Variants in CRADD observed in about 807,000 individuals in gnomAD.
CRADD encodes death domain-containing protein CRADD.
A neutral mutation model predicts 15.5 loss-of-function variants in CRADD; 9 were observed. The ratio of observed to expected loss-of-function variants is 0.58; its 90% CI spans 0.35 to 1.01. The LOEUF (loss-of-function observed/expected upper bound fraction) is 1.01, where lower values mean the gene tolerates loss of function less well. Ranked by LOEUF, CRADD falls within the 50% of genes least tolerant of loss-of-function variation. CRADD has a pLI of 0.02. For synonymous variants in CRADD, 118 were observed against 107.6 expected, an observed-to-expected ratio of 1.10 and a Z score of -0.60; for missense variants, 227 against 250.3, an observed-to-expected ratio of 0.91 and a Z score of 0.63.
chr12:93,794,256 C>T (rs1439220299), intron 2 of CRADD, among the ~76,000 whole-genome samples: 1 of 152,082 alleles, frequency 6.6e-6, no homozygotes, highest in Non-Finnish European at 1.5e-5. Flanking sequence ...TCATTGGGTC[C>T]CATTGCTTTA....
chr12:93,869,201 G>T (rs1046728509), intron 2 of CRADD, among the ~76,000 whole-genome samples: 1 of 152,088 alleles, frequency 6.6e-6, no homozygotes, highest in Non-Finnish European at 1.5e-5. Flanking sequence ...CTAGGAGTAA[G>T]AGCAAAAATA....
chr12:93,772,756 A>C (rs2171124), intron 2 of CRADD, among the ~76,000 whole-genome samples: 76,773 of 151,996 alleles, frequency 0.51, 19,929 homozygotes, highest in East Asian at 0.81. Flanking sequence ...AGTCAGATCC[A>C]GGGTTGGACT....
intron 2 of CRADD, among the ~76,000 whole-genome samples, chr12:93,818,351 C>T (rs1957731791): frequency 6.6e-6 from 1 of 152,208 alleles, no homozygotes; most frequent in Non-Finnish European, 1.5e-5. Context: ...GCAGCCTCTC[C>T]TTCACACCTC....
In CRADD at chr12:93,804,353, G is replaced by A. The variant is rs192566832; in HGVS notation, c.299-45617G>A. 3.4e-3 allele frequency among the ~76,000 whole-genome samples: 525 copies of A among 152,252 alleles called. 4 individuals are homozygous for A. Among genetic ancestry groups the A allele is most frequent in the Non-Finnish European group, 3.6e-3 (247 of 68,038 alleles). On this transcript the variant is annotated intron_variant, in intron 2 of 2. Coordinates refer to ENST00000332896, the MANE Select transcript of CRADD (RefSeq NM_003805.5). Reference sequence around the variant, plus strand: ...AAGGGAAAATGCACACATTTAGTCAGTCACATGTATGATTTCAAATATCTG... The same window carrying A: ...AAGGGAAAATGCACACATTTAGTCAATCACATGTATGATTTCAAATATCTG...
intron 2 of CRADD, among the ~76,000 whole-genome samples, chr12:93,720,591 C>T (rs1292406650): frequency 6.6e-6 from 1 of 152,176 alleles, no homozygotes; most frequent in African/African-American, 2.4e-5. Flanking sequence ...TTTTAATGCT[C>T]TGTTGTTAGG....
chr12:93,756,498 G>A (rs1280615454), intron 2 of CRADD, among the ~76,000 whole-genome samples: 5 of 152,234 alleles, frequency 3.3e-5, no homozygotes, highest in African/African-American at 9.6e-5. Flanking sequence ...CAAAGAGAGA[G>A]GAGATAAGAC....
intron 2 of CRADD, among the ~76,000 whole-genome samples, chr12:93,880,361 C>T (rs1381802170): frequency 6.6e-6 from 1 of 152,046 alleles, no homozygotes. Context: ...GTCATTTCCA[C>T]CCCCAAAGGA....
intron 2 of CRADD, among the ~76,000 whole-genome samples, chr12:93,770,237 A>G (rs925406926): frequency 6.6e-6 from 1 of 151,182 alleles, no homozygotes; most frequent in Admixed American, 6.6e-5. Context: ...CTGGGACTAC[A>G]GGCGCCCGCC....
At chr12:93,760,955 G>A (rs1956948522) in intron 2 of CRADD, among the ~76,000 whole-genome samples, 1 of 151,976 alleles carries the variant, frequency 6.6e-6, no homozygotes, top group Non-Finnish European at 1.5e-5. Context: ...AAGCAGAGGG[G>A]CCTGTAAAGC....
chr12:93,750,214 T>A (rs1956813892), intron 2 of CRADD, among the ~76,000 whole-genome samples: 2 of 111,480 alleles, frequency 1.8e-5, no homozygotes, highest in Non-Finnish European at 3.6e-5. Context: ...GGCTTTTTAG[T>A]AGGCGAGTTC....
chr12:93,892,815 C>T (rs947003980), intron 2 of CRADD, among the ~76,000 whole-genome samples: 2 of 152,204 alleles, frequency 1.3e-5, no homozygotes, highest in Admixed American at 1.3e-4. Context: ...GCCCTGTTGG[C>T]CACTAGGGAA....
At chr12:93,825,177 G>C (rs1437788194) in intron 2 of CRADD, among the ~76,000 whole-genome samples, 1 of 152,110 alleles carries the variant, frequency 6.6e-6, no homozygotes, top group Non-Finnish European at 1.5e-5. Flanking sequence ...CATAGTCTGG[G>C]AATTATACTT....
At chr12:93,855,511 A>G (rs1404058354), downstream of CRADD, among the ~76,000 whole-genome samples, 1 of 152,240 alleles carries the variant, frequency 6.6e-6, no homozygotes, top group Non-Finnish European at 1.5e-5. Context: ...ACACAATGCA[A>G]TCAGGCCTGC....
intron 2 of CRADD, among the ~76,000 whole-genome samples, chr12:93,830,164 T>C (rs1957877221): frequency 6.6e-6 from 1 of 152,182 alleles, no homozygotes; most frequent in Non-Finnish European, 1.5e-5. Context: ...TACTCTCACC[T>C]GAATCTGCCC....
At chr12:93,683,673 G>T (rs1377298412) in intron 2 of CRADD, among the ~76,000 whole-genome samples, 1 of 152,210 alleles carries the variant, frequency 6.6e-6, no homozygotes, top group Non-Finnish European at 1.5e-5. Flanking sequence ...CGCCAGCCTT[G>T]AGTGACAACA....
At chr12:93,800,203 G>A (rs1198349033) in intron 2 of CRADD, among the ~76,000 whole-genome samples, 4 of 152,124 alleles carry the variant, frequency 2.6e-5, no homozygotes, top group African/African-American at 4.8e-5. Flanking sequence ...TGTGTGTGTC[G>A]GGGTAGGGAC....
intron 2 of CRADD, among the ~76,000 whole-genome samples, chr12:93,769,044 T>C (rs1410599749): frequency 1.3e-5 from 2 of 152,162 alleles, no homozygotes; most frequent in African/African-American, 4.8e-5. Context: ...GAAGATACCA[T>C]AATATTTACT....
At chr12:93,787,232 A>G (rs977813747) in intron 2 of CRADD, among the ~76,000 whole-genome samples, 1 of 145,250 alleles carries the variant, frequency 6.9e-6, no homozygotes, top group African/African-American at 2.6e-5. Context: ...AGTCAGCCTC[A>G]TGGGTGGTGG....
At chr12:93,706,052 A>G (rs565959698) in intron 2 of CRADD, among the ~76,000 whole-genome samples, 1 of 152,340 alleles carries the variant, frequency 6.6e-6, no homozygotes, top group East Asian at 1.9e-4. Flanking sequence ...GACTTGTCTT[A>G]TAAAAAATAC....
Sources: allele counts gnomAD v4.1 joint callset (sites outside exome capture counted in the v4.1 genomes callset), GRCh38; gene constraint gnomAD v4.1.1; transcripts MANE v1.5; gene names NCBI Gene and HGNC (gene_info 2026-07-23, HGNC 2026-07-21).